Variants in GFRAL observed in about 807,000 individuals in gnomAD.
GFRAL encodes GDNF family receptor alpha like, also known as GDNF family receptor alpha-like.
A neutral mutation model predicts 45.4 loss-of-function variants in GFRAL; 36 were observed. The ratio of observed to expected loss-of-function variants is 0.79; its 90% CI spans 0.61 to 1.05. GFRAL has a LOEUF of 1.05. Ranked by LOEUF, GFRAL falls within the 50% of genes least tolerant of loss-of-function variation. The pLI is 0.00. For synonymous variants in GFRAL, 166 were observed against 154.1 expected (o/e 1.08, Z -0.57); for missense variants, 507 against 467.5 (o/e 1.08, Z -0.78).
chr6:55,394,133 T>G (rs534066323), intron 6 of GFRAL, among the ~76,000 whole-genome samples: 3 of 152,114 alleles, frequency 2.0e-5, no homozygotes, highest in African/African-American at 4.8e-5. Flanking sequence ...GATGGGCCAT[T>G]TCATTTACTG....
intron 5 of GFRAL, among the ~76,000 whole-genome samples, chr6:55,357,856 C>A (rs985869105): frequency 1.3e-5 from 2 of 151,544 alleles, no homozygotes; most frequent in Admixed American, 6.6e-5. Context: ...GAATAAATAG[C>A]ATGTAGGTAC....
intron 2 of GFRAL, 69 bp from the exon 3 acceptor site, chr6:55,333,717 A>T: frequency 1.0e-6 from 1 of 972,384 alleles, no homozygotes; most frequent in Non-Finnish European, 1.4e-6. Context: ...TGTTAAAAGT[A>T]CTTTGGGGAG....
In GFRAL at chr6:55,333,901, T is replaced by C. The variant is rs1767860788; in HGVS notation, c.273T>C (p.Cys91=). 1 of 1,594,524 alleles carries C rather than the reference T, an allele frequency of 6.3e-7. No individual in the cohort carries two copies. The highest frequency in any genetic ancestry group is 8.5e-7 in the Non-Finnish European group (1 of 1,169,976). ...KECLCTDDFY[C]TVNKLLGKKC... ...GTCTTTGCACTGATGACTTCTATTG[T>C]ACTGTGAACAAACTGCTTGGAAAAA... Residue 91 remains cysteine (C), a synonymous_variant, in exon 3 of 9, where the codon TGT becomes TGC. Coordinates refer to ENST00000340465, the MANE Select transcript of GFRAL (RefSeq NM_207410.2).
At chr6:55,361,427 A>G (rs1218789569) in intron 6 of GFRAL, among the ~76,000 whole-genome samples, 1 of 152,052 alleles carries the variant, frequency 6.6e-6, no homozygotes, top group Non-Finnish European at 1.5e-5. Context: ...TACTTATAAT[A>G]TCTAATACAT....
intron 6 of GFRAL, among the ~76,000 whole-genome samples, chr6:55,381,735 TG>T (rs1768610295): frequency 6.6e-6 from 1 of 151,890 alleles, no homozygotes; most frequent in Non-Finnish European, 1.5e-5. Flanking sequence ...TACTATTATC[TG>T]ATCACTGACT....
chr6:55,377,469 C>A (rs772291117), intron 6 of GFRAL, among the ~76,000 whole-genome samples: 3 of 151,936 alleles, frequency 2.0e-5, no homozygotes, highest in African/African-American at 4.8e-5. Flanking sequence ...ATGTTTCTAC[C>A]GTATGGCCAC....
At chr6:55,385,800 CCCTA>C (rs1208027207) in intron 6 of GFRAL, among the ~76,000 whole-genome samples, 1 of 152,048 alleles carries the variant, frequency 6.6e-6, no homozygotes, top group Admixed American at 6.6e-5. Context: ...CCAGTTCTAT[CCCTA>C]CCTCCACCAG....
At chr6:55,332,687 G>T (rs988471636) in intron 2 of GFRAL, among the ~76,000 whole-genome samples, 1 of 152,092 alleles carries the variant, frequency 6.6e-6, no homozygotes, top group Non-Finnish European at 1.5e-5. Context: ...CTCCCAAAGT[G>T]CTGGGATTGC....
intron 6 of GFRAL, among the ~76,000 whole-genome samples, chr6:55,395,781 GAAAAAA>G (rs34724941): frequency 1.3e-4 from 18 of 137,432 alleles, no homozygotes; most frequent in African/African-American, 1.9e-4. Context: ...AAGGATTTTG[GAAAAAA>G]AAAAAAAAGA....
chr6:55,374,940 T>G (rs1768503972), intron 6 of GFRAL, among the ~76,000 whole-genome samples: 1 of 152,116 alleles, frequency 6.6e-6, no homozygotes, highest in Non-Finnish European at 1.5e-5. Flanking sequence ...TGTAGCTGCG[T>G]GGTCTTATTT....
chr6:55,366,320 T>C (rs1461067513), intron 6 of GFRAL, among the ~76,000 whole-genome samples: 1 of 152,082 alleles, frequency 6.6e-6, no homozygotes, highest in African/African-American at 2.4e-5. Flanking sequence ...ATCTATTTGA[T>C]TCTGCTCTTT....
At position 55,328,439 on chromosome 6, in the gene GFRAL, C is replaced by T. The variant is rs185291086; in HGVS notation, c.22+863C>T. On this transcript the variant is annotated intron_variant, in intron 1 of 8. Coordinates refer to ENST00000340465, the MANE Select transcript of GFRAL (RefSeq NM_207410.2). ...CAAAGAAGTTTACTTTAAATTGTAT[C>T]GAACATAAAAGGAGAGTCATATCAA... Among the ~76,000 whole-genome samples the T allele has an allele frequency of 3.0e-3, 455 of 151,660 alleles. 4 individuals are homozygous for T. Among genetic ancestry groups the T allele is most frequent in the African/African-American group, 0.011 (443 of 41,440 alleles).
intron 6 of GFRAL, among the ~76,000 whole-genome samples, chr6:55,369,436 GCT>G (rs1443858181): frequency 6.6e-5 from 10 of 152,206 alleles, no homozygotes; most frequent in African/African-American, 1.2e-4. Context: ...GTAGACCGGA[GCT>G]GTTCCTATTC....
At chr6:55,344,891 C>T (rs1254448985) in intron 3 of GFRAL, among the ~76,000 whole-genome samples, 1 of 152,086 alleles carries the variant, frequency 6.6e-6, no homozygotes, top group Non-Finnish European at 1.5e-5. Flanking sequence ...TTCCTATACA[C>T]CAATAATAGA....
intron 6 of GFRAL, among the ~76,000 whole-genome samples, chr6:55,388,411 A>G (rs964627055): frequency 1.7e-4 from 26 of 152,292 alleles, no homozygotes; most frequent in African/African-American, 6.3e-4. Flanking sequence ...CTGTGTAGGA[A>G]GATGCTACTC....
intron 6 of GFRAL, among the ~76,000 whole-genome samples, chr6:55,397,689 A>C (rs1581763056): frequency 6.6e-6 from 1 of 152,106 alleles, no homozygotes; most frequent in Non-Finnish European, 1.5e-5. Context: ...ACTCCAATCT[A>C]TCTCTCTACT....
intron 3 of GFRAL, among the ~76,000 whole-genome samples, chr6:55,343,002 T>C (rs1404340465): frequency 2.6e-5 from 4 of 152,080 alleles, no homozygotes; most frequent in African/African-American, 7.2e-5. Flanking sequence ...ATGCACCCAA[T>C]ACAGGAGCAC....
chr6:55,340,846 G>A (rs1451037746), intron 3 of GFRAL, among the ~76,000 whole-genome samples: 1 of 152,214 alleles, frequency 6.6e-6, no homozygotes, highest in East Asian at 1.9e-4. Context: ...TTTTCCAGTG[G>A]TCTTAGCAAA....
At chr6:55,379,000 T>C (rs550562034) in intron 6 of GFRAL, among the ~76,000 whole-genome samples, 2 of 152,020 alleles carry the variant, frequency 1.3e-5, no homozygotes, top group African/African-American at 2.4e-5. Flanking sequence ...GATGGAATGG[T>C]TTTGCTTCAG....
Sources: gnomAD v4.1 joint callset for allele counts (sites outside exome capture counted in the v4.1 genomes callset) on GRCh38, gnomAD v4.1.1 for gene constraint, MANE v1.5 for transcripts, NCBI Gene and HGNC (gene_info 2026-07-23, HGNC 2026-07-21) for gene names.